The following ALCAM variants were observed in gnomAD, a reference collection of about 807,000 sequenced individuals.
ALCAM encodes the protein activated leukocyte cell adhesion molecule, also known as CD166 antigen.
Under a neutral mutation model 70.9 loss-of-function variants are expected in ALCAM, and 30 were observed. The ratio of observed to expected loss-of-function variants is 0.42; its 90% CI spans 0.32 to 0.57. The LOEUF is 0.57. ALCAM is among the 20% of genes least tolerant of loss of function. The pLI is 0.11. For missense variants in ALCAM, 591 were observed against 695.1 expected (o/e 0.85, Z 1.68); for synonymous variants, 249 against 242.5 (o/e 1.03, Z -0.25).
intron 1 of ALCAM, among the ~76,000 whole-genome samples, chr3:105,466,313 T>C (rs1937731370): frequency 6.6e-6 from 1 of 151,424 alleles, no homozygotes; most frequent in Admixed American, 6.6e-5. Flanking sequence ...CCAGTGTCAC[T>C]ACATGCTTAA....
intron 1 of ALCAM, among the ~76,000 whole-genome samples, chr3:105,421,713 A>T (rs975848250): frequency 6.6e-6 from 1 of 151,516 alleles, no homozygotes; most frequent in Admixed American, 6.6e-5. Context: ...AAAATTTCTA[A>T]AAGAATTTTG....
At chr3:105,383,690 C>A (rs2107339597) in intron 1 of ALCAM, among the ~76,000 whole-genome samples, 1 of 151,698 alleles carries the variant, frequency 6.6e-6, no homozygotes, top group Non-Finnish European at 1.5e-5. Context: ...AGTGCCAATC[C>A]AAGTTAACAT....
intron 1 of ALCAM, among the ~76,000 whole-genome samples, chr3:105,369,403 C>T (rs1935166080): frequency 6.6e-6 from 1 of 152,204 alleles, no homozygotes; most frequent in South Asian, 2.1e-4. Flanking sequence ...AGCCCCGGCT[C>T]ACCGCAACCA....
intron 1 of ALCAM, among the ~76,000 whole-genome samples, chr3:105,488,117 T>C (rs1002736419): frequency 2.6e-5 from 4 of 152,204 alleles, no homozygotes; most frequent in Middle Eastern, 3.4e-3. Context: ...CTGGCACTTT[T>C]CCCAACCCTT....
At position 105,406,620 on chromosome 3, in the gene ALCAM, T is replaced by A. The variant is rs147259285; in HGVS notation, c.73+39139T>A. ...AAAAGCACAAATAGACAATCTAAAG[T>A]CACACCTTATGGAACTGGAGGAACA... On this transcript the variant is annotated intron_variant, in intron 1 of 15. Transcript: ENST00000306107. Among the ~76,000 whole-genome samples the A allele has an allele frequency of 6.1e-3, 930 of 151,786 alleles. 12 individuals carry two copies. The highest frequency in any genetic ancestry group is 0.021 in the African/African-American group (883 of 41,388).
intron 1 of ALCAM, among the ~76,000 whole-genome samples, chr3:105,515,130 T>C (rs912261589): frequency 6.6e-6 from 1 of 152,072 alleles, no homozygotes; most frequent in South Asian, 2.1e-4. Context: ...AATCTTAAAC[T>C]CTTGTTTATA....
At chr3:105,526,238 T>A (rs1287210130) in intron 3 of ALCAM, among the ~76,000 whole-genome samples, 1 of 151,806 alleles carries the variant, frequency 6.6e-6, no homozygotes, top group African/African-American at 2.4e-5. Flanking sequence ...GAAAATTCAG[T>A]TTGTTTCATT....
At chr3:105,573,675 A>G (rs1940903447) in intron 15 of ALCAM, among the ~76,000 whole-genome samples, 1 of 152,192 alleles carries the variant, frequency 6.6e-6, no homozygotes, top group Non-Finnish European at 1.5e-5. Flanking sequence ...AAACCAAGCA[A>G]ATAGAAGAGC....
At chr3:105,551,551 T>C (rs1289911913) in intron 12 of ALCAM, among the ~76,000 whole-genome samples, 1 of 151,674 alleles carries the variant, frequency 6.6e-6, no homozygotes, top group Non-Finnish European at 1.5e-5. Context: ...TAATATTAGA[T>C]AATAATTCAA....
intron 1 of ALCAM, among the ~76,000 whole-genome samples, chr3:105,390,969 C>A (rs1576128658): frequency 6.6e-6 from 1 of 151,970 alleles, no homozygotes; most frequent in African/African-American, 2.4e-5. Context: ...TATTTTGGTA[C>A]CTGTACCATG....
At position 105,470,508 on chromosome 3, in the gene ALCAM, C is replaced by A. The variant is rs77706963; in HGVS notation, c.74-49559C>A. Among the ~76,000 whole-genome samples the A allele has an allele frequency of 2.6e-3, 388 of 151,182 alleles. 1 individual carries two copies. Among genetic ancestry groups the A allele is most frequent in the African/African-American group, 8.8e-3 (363 of 41,406 alleles). On this transcript the variant is annotated intron_variant, in intron 1 of 15. Transcript: ENST00000306107. ...GTTAAATTATAATTAAAATAATTGACCTCTTAATAACTGAAAATGGTCTGT... is the reference window on the plus strand; with the variant it reads ...GTTAAATTATAATTAAAATAATTGAACTCTTAATAACTGAAAATGGTCTGT...
At chr3:105,406,123 G>T (rs926531992) in intron 1 of ALCAM, among the ~76,000 whole-genome samples, 5 of 152,148 alleles carry the variant, frequency 3.3e-5, no homozygotes, top group East Asian at 1.9e-4. Flanking sequence ...TGTAACTAAG[G>T]TCTGAGTCCT....
chr3:105,571,949 T>C lies in ALCAM; in HGVS notation c.*10T>C. The stretch of plus-strand genomic sequence containing the variant: ...CAAAACTGAAGCCTAAGAGAGAAAC[T>C]GTCCTAGTTGTCCAGGTGAGTAGTC... On this transcript the variant is annotated 3_prime_UTR_variant, in exon 15 of 16. Coordinates refer to ENST00000306107, the MANE Select transcript of ALCAM (RefSeq NM_001627.4). 1 of 1,593,792 alleles carries C rather than the reference T, an allele frequency of 6.3e-7. No individual in the cohort carries two copies. Among genetic ancestry groups the C allele is most frequent in the East Asian group, 2.2e-5 (1 of 44,750 alleles).
At chr3:105,386,540 T>C (rs1251289661) in intron 1 of ALCAM, among the ~76,000 whole-genome samples, 2 of 151,448 alleles carry the variant, frequency 1.3e-5, no homozygotes, top group Admixed American at 6.6e-5. Flanking sequence ...CTATTCCCCA[T>C]GGGTCCCTAG....
chr3:105,385,861 A>G (rs765006103), intron 1 of ALCAM, among the ~76,000 whole-genome samples: 7 of 151,730 alleles, frequency 4.6e-5, no homozygotes, highest in Non-Finnish European at 8.9e-5. Context: ...TTACATAAAT[A>G]TGCCATGCAC....
At chr3:105,474,730 G>A (rs1938050732) in intron 1 of ALCAM, among the ~76,000 whole-genome samples, 1 of 151,592 alleles carries the variant, frequency 6.6e-6, no homozygotes, top group Non-Finnish European at 1.5e-5. Flanking sequence ...AGAAAGTTGA[G>A]ATCATTGACA....
At chr3:105,477,215 TTA>T (rs1346011762) in intron 1 of ALCAM, among the ~76,000 whole-genome samples, 2 of 152,106 alleles carry the variant, frequency 1.3e-5, no homozygotes, top group African/African-American at 4.8e-5. Flanking sequence ...AAATTCCCTT[TTA>T]TATTTACCCA....
intron 1 of ALCAM, among the ~76,000 whole-genome samples, chr3:105,443,372 A>G (rs1937220876): frequency 6.6e-6 from 1 of 152,192 alleles, no homozygotes; most frequent in East Asian, 1.9e-4. Flanking sequence ...TTGTGTTGAA[A>G]ACCATACTCT....
rs1334167471 is a variant in ALCAM at position 105,575,682 on chromosome 3, A to C, written c.*1231A>C. ...GGTAGTATAAATGGAAACTTTTTGAAGTAGACCAGATATGGGCTACTTGTG... is the reference window on the plus strand; with the variant it reads ...GGTAGTATAAATGGAAACTTTTTGACGTAGACCAGATATGGGCTACTTGTG... On this transcript the variant is annotated 3_prime_UTR_variant, in exon 16 of 16. Transcript: ENST00000306107. 6.6e-6 allele frequency: 1 copy of C among 152,414 alleles called. No individual in the cohort carries two copies. The highest frequency in any genetic ancestry group is 1.5e-5 in the Non-Finnish European group (1 of 68,006). 9.4% of individuals were successfully genotyped at this position (152,414 alleles called of 1,614,324 possible).
Sources: gnomAD v4.1 joint callset for allele counts (sites outside exome capture counted in the v4.1 genomes callset) on GRCh38, gnomAD v4.1.1 for gene constraint, MANE v1.5 for transcripts, NCBI Gene and HGNC (gene_info 2026-07-23, HGNC 2026-07-21) for gene names.